PINX1: variants seen among roughly 807,000 people sequenced by gnomAD.
PINX1 encodes PIN2 (TERF1) interacting telomerase inhibitor 1.
In PINX1, 34 loss-of-function variants were observed where a neutral mutation model predicts 25.4. The observed-to-expected ratio is 1.34, with a 90% CI of 1.02 to 1.78. The LOEUF (loss-of-function observed/expected upper bound fraction) is 1.78, where lower values mean the gene tolerates loss of function less well. Ranked by LOEUF, PINX1 falls within the 40% of genes most tolerant of loss-of-function variation. The probability of loss-of-function intolerance (pLI) is 0.00; values close to 1 mark genes in which losing one functional copy is unlikely to be tolerated. For synonymous variants in PINX1, 197 were observed against 147.7 expected (o/e 1.33, Z -2.42); for missense variants, 592 against 404.9 (o/e 1.46, Z -3.97).
chr8:10,799,239 G>A (rs1275197970), intron 6 of PINX1, among the ~76,000 whole-genome samples: 3 of 151,922 alleles, frequency 2.0e-5, no homozygotes, highest in Admixed American at 2.0e-4. Flanking sequence ...ATAAACTTAT[G>A]TTTTATGCTG....
At chr8:10,777,927 C>T (rs1001958888) in intron 6 of PINX1, among the ~76,000 whole-genome samples, 1 of 152,196 alleles carries the variant, frequency 6.6e-6, no homozygotes, top group African/African-American at 2.4e-5. Context: ...TCTATCTGCA[C>T]ACCCAGCAAT....
At chr8:10,804,531 G>A (rs534660009) in intron 6 of PINX1, among the ~76,000 whole-genome samples, 1 of 152,192 alleles carries the variant, frequency 6.6e-6, no homozygotes, top group East Asian at 1.9e-4. Flanking sequence ...TGCTGACATG[G>A]GACAGCAGCA....
chr8:10,784,299 T>G (rs1346990314), intron 6 of PINX1, among the ~76,000 whole-genome samples: 5 of 152,212 alleles, frequency 3.3e-5, no homozygotes, highest in Admixed American at 3.3e-4. Context: ...TTTAGAAGAC[T>G]TATAAGTGGC....
chr8:10,835,202 G>A (rs1320852586), intron 1 of PINX1, among the ~76,000 whole-genome samples: 1 of 152,200 alleles, frequency 6.6e-6, no homozygotes, highest in Non-Finnish European at 1.5e-5. Flanking sequence ...TACCAAGGAT[G>A]CGCTTAAAAT....
intron 6 of PINX1, among the ~76,000 whole-genome samples, chr8:10,801,452 G>C (rs899894616): frequency 6.6e-5 from 10 of 152,232 alleles, no homozygotes; most frequent in South Asian, 2.1e-4. Flanking sequence ...CATTTCCCAA[G>C]TGAGGAGGAA....
rs78397737 is a variant in PINX1, at chr8:10,834,619, A to T, written c.129+47T>A. 6,332 of 1,595,804 alleles carry T rather than the reference A, an allele frequency of 4.0e-3. 218 individuals carry two copies. In the African/African-American group the frequency reaches 0.073, roughly 18 times the overall value. ...AGAAGGAAGTTTTCCCCTAATTTCTAATCTCTTTTCATAGCTCAGATTTTT... is the reference window on the plus strand; with the variant it reads ...AGAAGGAAGTTTTCCCCTAATTTCTTATCTCTTTTCATAGCTCAGATTTTT... On this transcript the variant is annotated intron_variant, in intron 2 of 6. Transcript: ENST00000314787.
chr8:10,813,750 A>T (rs6995541), intron 6 of PINX1, among the ~76,000 whole-genome samples: 2 of 151,970 alleles, frequency 1.3e-5, no homozygotes, highest in Non-Finnish European at 2.9e-5. Context: ...AGCCCATGCC[A>T]GAAGCATGCT....
At chr8:10,812,401 G>T (rs923028141) in intron 6 of PINX1, among the ~76,000 whole-genome samples, 1 of 152,186 alleles carries the variant, frequency 6.6e-6, no homozygotes, top group Non-Finnish European at 1.5e-5. Context: ...AATGAGAGAA[G>T]GTCAGAGCTG....
chr8:10,766,849 G>A (rs909152961), intron 6 of PINX1, among the ~76,000 whole-genome samples: 3 of 152,214 alleles, frequency 2.0e-5, no homozygotes, highest in Non-Finnish European at 4.4e-5. Flanking sequence ...GGGAGAGGCT[G>A]GGATAAAGAA....
At chr8:10,813,542 A>G (rs998500529) in intron 6 of PINX1, among the ~76,000 whole-genome samples, 2 of 152,118 alleles carry the variant, frequency 1.3e-5, no homozygotes, top group Admixed American at 6.5e-5. Context: ...AGCAATGGGG[A>G]AAAAAAGGAG....
intron 5 of PINX1, among the ~76,000 whole-genome samples, chr8:10,824,723 C>T (rs915483745): frequency 3.9e-5 from 6 of 152,226 alleles, no homozygotes; most frequent in African/African-American, 1.4e-4. Flanking sequence ...TTAGAAGATT[C>T]TACCTGTAAA....
chr8:10,779,960 C>T (rs1348073504), intron 6 of PINX1, among the ~76,000 whole-genome samples: 1 of 152,114 alleles, frequency 6.6e-6, no homozygotes, highest in Admixed American at 6.5e-5. Flanking sequence ...GACCTGGAAA[C>T]TCTTACACTA....
At chr8:10,833,255 C>G (rs908489144) in intron 2 of PINX1, among the ~76,000 whole-genome samples, 1 of 152,184 alleles carries the variant, frequency 6.6e-6, no homozygotes, top group Non-Finnish European at 1.5e-5. Flanking sequence ...CAGAGGCACC[C>G]AGGGTGGCTT....
At chr8:10,798,976 T>A (rs73529608) in intron 6 of PINX1, among the ~76,000 whole-genome samples, 7,860 of 152,300 alleles carry the variant, frequency 0.052, 223 homozygotes, top group Middle Eastern at 0.075. Flanking sequence ...GCAGCAATGA[T>A]TTGATATTAG....
chr8:10,838,125 T>C (rs1025132953), intron 1 of PINX1, among the ~76,000 whole-genome samples: 9 of 152,216 alleles, frequency 5.9e-5, no homozygotes, highest in South Asian at 2.1e-4. Flanking sequence ...ACATAGCAGG[T>C]TGGAGTTCTT....
intron 4 of PINX1, among the ~76,000 whole-genome samples, 157 bp from the exon 5 acceptor site, chr8:10,826,401 ATC>A (rs1183191160): frequency 3.3e-5 from 5 of 152,286 alleles, no homozygotes; most frequent in Non-Finnish European, 7.3e-5. Context: ...CTTCTGCTGG[ATC>A]TCTGTTTTCT....
chr8:10,838,295 A>C (rs900542421), intron 1 of PINX1, among the ~76,000 whole-genome samples: 1 of 152,266 alleles, frequency 6.6e-6, no homozygotes, highest in African/African-American at 2.4e-5. Context: ...CGAAAAAGAA[A>C]ACACAAAAAT....
intron 6 of PINX1, among the ~76,000 whole-genome samples, chr8:10,793,103 G>A (rs1451036493): frequency 6.6e-6 from 1 of 152,094 alleles, no homozygotes. Flanking sequence ...CTCTGCTAGG[G>A]GTAGATACAC....
At chr8:10,790,037 C>T (rs900661066) in intron 6 of PINX1, among the ~76,000 whole-genome samples, 2 of 152,146 alleles carry the variant, frequency 1.3e-5, no homozygotes, top group African/African-American at 4.8e-5. Context: ...CTGTCACAGC[C>T]AAGCGGCAGG....
Sources: gnomAD v4.1 joint callset for allele counts (sites outside exome capture counted in the v4.1 genomes callset) on GRCh38, gnomAD v4.1.1 for gene constraint, MANE v1.5 for transcripts, NCBI Gene and HGNC (gene_info 2026-07-23, HGNC 2026-07-21) for gene names.